The following FRMPD1 variants were observed in gnomAD, a reference collection of about 807,000 sequenced individuals.
FRMPD1 encodes FERM and PDZ domain-containing protein 1.
Under a neutral mutation model 117.8 loss-of-function variants are expected in FRMPD1, and 76 were observed. The observed-to-expected ratio is 0.65, with a 90% CI of 0.54 to 0.78. The LOEUF is 0.78. Among genes scored for constraint, FRMPD1 ranks in the 30% least tolerant of loss-of-function variants. The pLI is 0.00. For missense variants in FRMPD1, 1,786 were observed against 1,964.5 expected (o/e 0.91, Z 1.72); for synonymous variants, 783 against 770.4 (o/e 1.02, Z -0.27).
chr9:37,669,356 T>C lies in FRMPD1; in HGVS notation c.-5+18262T>C, dbSNP rs528416908. Among the ~76,000 whole-genome samples, 836 of 152,282 alleles carry C rather than the reference T, an allele frequency of 5.5e-3. 8 individuals are homozygous for C. Among genetic ancestry groups the C allele is most frequent in the African/African-American group, 0.019 (802 of 41,552 alleles). On this transcript the variant is annotated intron_variant, in intron 1 of 15. Coordinates refer to ENST00000377765, the MANE Select transcript of FRMPD1 (RefSeq NM_014907.3). ...TCCCCACCTGTATTCTCCGAGAGCC[T>C]GTGAGAAATACGAACTCTCAGCCCC...
intron 12 of FRMPD1, among the ~76,000 whole-genome samples, chr9:37,735,054 A>C (rs1824057782): frequency 6.6e-6 from 1 of 152,238 alleles, no homozygotes; most frequent in Non-Finnish European, 1.5e-5. Flanking sequence ...AAGAAACTTA[A>C]TGTGGAAAAT....
Position 37,733,523 on chromosome 9 carries a change from T to C in FRMPD1, c.1046T>C (p.Met349Thr). 4 of 1,613,712 alleles carry C rather than the reference T, an allele frequency of 2.5e-6. No individual in the cohort carries two copies. Among genetic ancestry groups the C allele is most frequent in the Non-Finnish European group, 3.4e-6 (4 of 1,179,722 alleles). ...NFISPTLLRN[M>T]KGKDIKKAIS... Reference sequence around the variant, plus strand: ...ATATCTCCAACTTTACTCCGAAACATGAAAGGCAAAGACATCAAGAAAGCC... The same window carrying C: ...ATATCTCCAACTTTACTCCGAAACACGAAAGGCAAAGACATCAAGAAAGCC... The change falls in exon 11 of 16, where the codon ATG becomes ACG. Residue 349 changes from methionine to threonine, a missense_variant. Physicochemically the swap from Met to Thr is moderately conservative, Grantham distance 81. Transcript: ENST00000377765.
intron 1 of FRMPD1, among the ~76,000 whole-genome samples, chr9:37,683,092 A>G (rs764264347): frequency 2.6e-5 from 4 of 152,034 alleles, no homozygotes; most frequent in East Asian, 1.9e-4. Context: ...ATCTCTATAC[A>G]TTTACCCGTT....
the FRMPD1 span, among the ~76,000 whole-genome samples, chr9:37,604,358 G>A: frequency 1.3e-5 from 2 of 152,306 alleles, no homozygotes; most frequent in South Asian, 4.1e-4. Flanking sequence ...ACCTGGTAGA[G>A]AACTTAGGGT....
intron 2 of FRMPD1, among the ~76,000 whole-genome samples, chr9:37,702,704 T>A (rs1034561951): frequency 6.6e-6 from 1 of 152,162 alleles, no homozygotes; most frequent in Non-Finnish European, 1.5e-5. Flanking sequence ...GTTGAGGAGT[T>A]TGGCTTTTGT....
chr9:37,734,193 A>T (rs942196320), intron 12 of FRMPD1, among the ~76,000 whole-genome samples: 2 of 152,200 alleles, frequency 1.3e-5, no homozygotes, highest in Non-Finnish European at 2.9e-5. Flanking sequence ...GGTTAAGGAA[A>T]GAGGCAAGAG....
At chr9:37,652,063 A>G (rs1820691201) in intron 1 of FRMPD1, among the ~76,000 whole-genome samples, 1 of 152,224 alleles carries the variant, frequency 6.6e-6, no homozygotes, top group Non-Finnish European at 1.5e-5. Context: ...TGAAATATTC[A>G]ACGACATAAT....
At chr9:37,732,235 A>G in intron 9 of FRMPD1, 69 bp from the exon 10 acceptor site, 1 of 1,543,238 alleles carries the variant, frequency 6.5e-7, no homozygotes, top group Non-Finnish European at 8.9e-7. Context: ...GCTGCCTTTC[A>G]CCCGAGAGAA....
At chr9:37,717,369 G>GTGTGTGTGTGTGTGTA (rs1407798527) in intron 5 of FRMPD1, among the ~76,000 whole-genome samples, 1 of 94,134 alleles carries the variant, frequency 1.1e-5, no homozygotes, top group East Asian at 2.5e-4. Context: ...GTGTGTGTGT[G>GTGTGTGTGTGTGTGTA]TATATATATA....
intron 2 of FRMPD1, among the ~76,000 whole-genome samples, chr9:37,697,123 C>T (rs561106031): frequency 6.6e-6 from 1 of 152,246 alleles, no homozygotes; most frequent in East Asian, 1.9e-4. Flanking sequence ...AATCATTAGT[C>T]AAATTCAGTT....
At position 37,737,145 on chromosome 9, in the gene FRMPD1, T is replaced by A; in HGVS notation, c.1451T>A (p.Leu484Gln). The A allele has an allele frequency of 6.2e-7, 1 of 1,612,180 alleles. No individual in the cohort carries two copies. Among genetic ancestry groups the A allele is most frequent in the Non-Finnish European group, 8.5e-7 (1 of 1,178,190 alleles). ...ESNSAKDLAC[L>Q]IAGYYRLLVD... ...AACAGTGCAAAAGACCTAGCCTGCC[T>A]GATTGCTGGGTACTACAGGCTGTTG... Residue 484 changes from leucine to glutamine, a missense_variant, in exon 14 of 16, where the codon CTG becomes CAG. Coordinates refer to ENST00000377765, the MANE Select transcript of FRMPD1 (RefSeq NM_014907.3).
the FRMPD1 span, among the ~76,000 whole-genome samples, chr9:37,617,976 A>G: frequency 6.6e-6 from 1 of 152,040 alleles, no homozygotes. Context: ...TCAGCTAGTG[A>G]TGTTCGGATG....
At chr9:37,673,806 A>G (rs35319557) in intron 1 of FRMPD1, among the ~76,000 whole-genome samples, 35,288 of 152,262 alleles carry the variant, frequency 0.23, 4,226 homozygotes, top group Middle Eastern at 0.28. Context: ...CAAGCTGTAC[A>G]TTGGCCCCTT....
intron 2 of FRMPD1, among the ~76,000 whole-genome samples, chr9:37,700,134 C>T (rs764888676): frequency 6.6e-6 from 1 of 151,978 alleles, no homozygotes; most frequent in African/African-American, 2.4e-5. Context: ...GTGTCTTGAC[C>T]CATAGGCAAA....
intron 1 of FRMPD1, among the ~76,000 whole-genome samples, chr9:37,656,673 T>A (rs2119368706): frequency 6.7e-6 from 1 of 148,960 alleles, no homozygotes. Flanking sequence ...GATTACATTA[T>A]ACAGGTTTGC....
the FRMPD1 span, among the ~76,000 whole-genome samples, chr9:37,629,199 C>CAA: frequency 1.3e-3 from 192 of 148,390 alleles, no homozygotes; most frequent in African/African-American, 3.2e-3. Flanking sequence ...ACTCCATCTC[C>CAA]AAAAAAAAAA....
intron 1 of FRMPD1, among the ~76,000 whole-genome samples, chr9:37,658,816 C>A (rs1820915073): frequency 6.6e-6 from 1 of 152,110 alleles, no homozygotes; most frequent in Non-Finnish European, 1.5e-5. Context: ...AATCCTTTTT[C>A]CAAATAAGAT....
chr9:37,607,281 A>G, the FRMPD1 span, among the ~76,000 whole-genome samples: 1 of 152,018 alleles, frequency 6.6e-6, no homozygotes, highest in African/African-American at 2.4e-5. Context: ...ACACCACTGC[A>G]CTCCAGCCTG....
chr9:37,633,010 A>G, the FRMPD1 span, among the ~76,000 whole-genome samples: 1 of 91,298 alleles, frequency 1.1e-5, no homozygotes, highest in Non-Finnish European at 2.1e-5. Context: ...ATTTCTTTCT[A>G]CATATATTAT....
Sources: gnomAD v4.1 joint callset for allele counts (sites outside exome capture counted in the v4.1 genomes callset) on GRCh38, gnomAD v4.1.1 for gene constraint, MANE v1.5 for transcripts, NCBI Gene and HGNC (gene_info 2026-07-23, HGNC 2026-07-21) for gene names.